Variants in LARP4B observed in about 807,000 individuals in gnomAD.
LARP4B encodes La ribonucleoprotein 4B.
Under a neutral mutation model 89.8 loss-of-function variants are expected in LARP4B, and 12 were observed. The ratio of observed to expected loss-of-function variants is 0.13; its 90% CI spans 0.09 to 0.22. LARP4B has a LOEUF of 0.22. LARP4B is among the 10% of genes least tolerant of loss of function. LARP4B has a pLI of 1.00. For missense variants in LARP4B, 757 were observed against 947.7 expected, an observed-to-expected ratio of 0.80 and a Z score of 2.64; for synonymous variants, 367 against 363.3, an observed-to-expected ratio of 1.01 and a Z score of -0.12.
At chr10:807,650 C>G (rs1831603911), downstream of LARP4B, 1 of 152,520 alleles carries the variant, frequency 6.6e-6, no homozygotes, top group South Asian at 2.1e-4. Context: ...ACCGGGCGGC[C>G]CTGCGGCCCT....
In LARP4B at chr10:825,155, T is replaced by G; in HGVS notation, c.1394A>C (p.Gln465Pro). Residue 465 changes from glutamine (Q) to proline (P), a missense_variant, in exon 13 of 18, where the codon CAA (glutamine) becomes CCA (proline). By Grantham distance (76) the Gln-to-Pro change is moderately conservative. Around this residue, in one of 5 missense-constraint regions of LARP4B, gnomAD observed 387 missense variants for 423.6 expected, o/e 0.91. Coordinates refer to ENST00000316157, the MANE Select transcript of LARP4B (RefSeq NM_015155.3). ...TCTCTTGGCATATGCTGAAGGGTTT[T>G]GAATCCGTGTTCTAGTTTGACCTGC... ...RQAGQTRTRI[Q>P]NPSAYAKREA... 6.2e-7 allele frequency: 1 copy of G among 1,614,222 alleles called. No individual in the cohort carries two copies. Among genetic ancestry groups the G allele is most frequent in the Non-Finnish European group, 8.5e-7 (1 of 1,180,050 alleles).
At chr10:987,723 A>T in the LARP4B span, 1 of 152,290 alleles carries the variant, frequency 6.6e-6, no homozygotes, top group South Asian at 2.1e-4. Flanking sequence ...TAAAGGCTCC[A>T]TCCTCATCAA....
intron 7 of LARP4B, among the ~76,000 whole-genome samples, chr10:840,431 C>T (rs1353770413): frequency 6.6e-6 from 1 of 152,200 alleles, no homozygotes; most frequent in Non-Finnish European, 1.5e-5. Context: ...GCTTTATATA[C>T]ATGGTATCAC....
chr10:821,129 T>C (rs1832330498), intron 13 of LARP4B, among the ~76,000 whole-genome samples: 1 of 152,200 alleles, frequency 6.6e-6, no homozygotes, highest in African/African-American at 2.4e-5. Flanking sequence ...GGGATGTCTG[T>C]TAAGACATGA....
chr10:863,929 C>T (rs762306855), intron 4 of LARP4B, 46 bp from the exon 5 acceptor site: 8 of 1,585,498 alleles, frequency 5.0e-6, no homozygotes, highest in Admixed American at 3.7e-5. Flanking sequence ...AGAAGCATAA[C>T]TTTCTCTTAA....
the LARP4B span, among the ~76,000 whole-genome samples, chr10:957,963 A>AT: frequency 1.3e-5 from 2 of 151,464 alleles, no homozygotes; most frequent in East Asian, 3.9e-4. Flanking sequence ...CGCCTGGCTG[A>AT]TTTTTGCGTT....
intron 3 of LARP4B, among the ~76,000 whole-genome samples, chr10:876,637 A>T (rs1465354412): frequency 6.6e-6 from 1 of 152,114 alleles, no homozygotes; most frequent in Non-Finnish European, 1.5e-5. Context: ...CAGGGGTTGG[A>T]GTCTCCTGCC....
chr10:848,162 T>C (rs532233824), intron 5 of LARP4B, among the ~76,000 whole-genome samples: 31 of 152,190 alleles, frequency 2.0e-4, no homozygotes, highest in African/African-American at 5.8e-4. Context: ...CTGAAATGGT[T>C]AACCCTCCCC....
chr10:886,627 T>C (rs1234952047), intron 1 of LARP4B, among the ~76,000 whole-genome samples: 1 of 152,230 alleles, frequency 6.6e-6, no homozygotes. Flanking sequence ...TTATGTATTA[T>C]TCAGCCTTTA....
Position 863,860 on chromosome 10 carries a change from C to T in LARP4B, c.313G>A (p.Asp105Asn). The change falls in exon 5 of 18, where the codon GAC becomes AAC. Residue 105 changes from aspartate to asparagine, a missense_variant. Around this residue, in one of 5 missense-constraint regions of LARP4B, gnomAD observed 175 missense variants for 187.0 expected, o/e 0.94. Transcript: ENST00000316157. ...AATGCGGCATTCTCATGGCCCTGGT[C>T]ACCATCACCATTGGCATCCGATCCT... ...PQGSDANGDG[D>N]QGHENAALPD... The T allele has an allele frequency of 6.2e-7, 1 of 1,613,286 alleles. No individual in the cohort carries two copies. The highest frequency in any genetic ancestry group is 8.5e-7 in the Non-Finnish European group (1 of 1,179,802).
chr10:878,256 T>C (rs1835534084), intron 3 of LARP4B, among the ~76,000 whole-genome samples: 1 of 152,184 alleles, frequency 6.6e-6, no homozygotes, highest in Non-Finnish European at 1.5e-5. Context: ...TGGCAGGTTC[T>C]GACTTGGCCT....
chr10:842,431 C>T (rs1050728287), intron 7 of LARP4B, among the ~76,000 whole-genome samples: 1 of 152,074 alleles, frequency 6.6e-6, no homozygotes, highest in Non-Finnish European at 1.5e-5. Context: ...CTCCTGACCT[C>T]ATGATCCGCC....
At chr10:861,320 C>G (rs1051877662) in intron 5 of LARP4B, among the ~76,000 whole-genome samples, 1 of 152,116 alleles carries the variant, frequency 6.6e-6, no homozygotes, top group African/African-American at 2.4e-5. Context: ...AAAGAGGCAA[C>G]ACATTAATAA....
chr10:850,855 T>C (rs1834010292), intron 5 of LARP4B, among the ~76,000 whole-genome samples: 1 of 152,088 alleles, frequency 6.6e-6, no homozygotes, highest in African/African-American at 2.4e-5. Context: ...CTAAATCAAA[T>C]ATCTCTAAAT....
chr10:916,794 C>G (rs2132036201), intron 1 of LARP4B, among the ~76,000 whole-genome samples: 1 of 152,278 alleles, frequency 6.6e-6, no homozygotes, highest in Admixed American at 6.5e-5. Flanking sequence ...ACTCCTGGAC[C>G]TAAGTGATCC....
At chr10:838,513 C>A (rs1049603720) in intron 7 of LARP4B, among the ~76,000 whole-genome samples, 1 of 152,174 alleles carries the variant, frequency 6.6e-6, no homozygotes. Flanking sequence ...TATGGAAAAA[C>A]GCTTCACATC....
chr10:971,926 G>A, the LARP4B span: 1 of 156,150 alleles, frequency 6.4e-6, no homozygotes, highest in Admixed American at 6.2e-5. Flanking sequence ...TTAGGCCTGA[G>A]GCTTTGCCCC....
intron 7 of LARP4B, among the ~76,000 whole-genome samples, chr10:838,803 C>A (rs1396944908): frequency 6.6e-6 from 1 of 152,214 alleles, no homozygotes; most frequent in Non-Finnish European, 1.5e-5. Context: ...CACACAAAAT[C>A]TGCATACAGA....
chr10:966,528 C>T, the LARP4B span, among the ~76,000 whole-genome samples: 14 of 152,224 alleles, frequency 9.2e-5, 1 homozygote, highest in African/African-American at 3.4e-4. Flanking sequence ...GCCGTGGGAG[C>T]TGGGTCAGCA....
Sources: gnomAD v4.1 joint callset for allele counts (sites outside exome capture counted in the v4.1 genomes callset) on GRCh38, gnomAD v4.1.1 for gene constraint, gnomAD v4.1.1 regional missense constraint, MANE v1.5 for transcripts, NCBI Gene and HGNC (gene_info 2026-07-23, HGNC 2026-07-21) for gene names.